The following COL24A1 variants were observed in gnomAD, a reference collection of about 807,000 sequenced individuals.
COL24A1 encodes collagen alpha-1(XXIV) chain.
A neutral mutation model predicts 253.9 loss-of-function variants in COL24A1; 224 were observed. The ratio of observed to expected loss-of-function variants is 0.88; its 90% CI spans 0.79 to 0.99. The LOEUF (loss-of-function observed/expected upper bound fraction) is 0.99, where lower values mean the gene tolerates loss of function less well. Ranked by LOEUF, COL24A1 falls within the 50% of genes least tolerant of loss-of-function variation. COL24A1 has a pLI of 0.00. For missense variants in COL24A1, 2,131 were observed against 2,068.5 expected (o/e 1.03, Z -0.59); for synonymous variants, 685 against 673.7 (o/e 1.02, Z -0.26).
chr1:85,863,159 T>C lies in COL24A1; in HGVS notation c.3300+5360A>G, dbSNP rs932272730. On this transcript the variant is annotated intron_variant, in intron 37 of 59. Transcript: ENST00000370571. ...TAAGAATGCTTGTGATTTTTGCACATTGATTTTGTATGCTGAGACTTTGCT... is the reference window on the plus strand; with the variant it reads ...TAAGAATGCTTGTGATTTTTGCACACTGATTTTGTATGCTGAGACTTTGCT... Among the ~76,000 whole-genome samples the C allele has an allele frequency of 1.6e-3, 247 of 152,352 alleles. 1 individual carries two copies. Among genetic ancestry groups the C allele is most frequent in the Non-Finnish European group, 2.5e-3 (168 of 68,026 alleles).
intron 19 of COL24A1, among the ~76,000 whole-genome samples, chr1:85,996,143 T>C (rs1400725841): frequency 2.0e-5 from 3 of 152,242 alleles, no homozygotes; most frequent in African/African-American, 7.2e-5. Context: ...AGGTAATTGG[T>C]ATTAGGTGTT....
At chr1:86,150,618 C>T (rs897681491) in intron 1 of COL24A1, among the ~76,000 whole-genome samples, 1 of 151,904 alleles carries the variant, frequency 6.6e-6, no homozygotes, top group African/African-American at 2.4e-5. Context: ...GAAGTGGGTA[C>T]AACAGAGAAA....
intron 7 of COL24A1, among the ~76,000 whole-genome samples, chr1:86,070,290 C>T (rs558359106): frequency 2.0e-5 from 3 of 151,618 alleles, no homozygotes; most frequent in Admixed American, 2.0e-4. Flanking sequence ...TCAGAGGAGA[C>T]AAAAGAAAAC....
At chr1:85,792,288 T>G (rs1394169269) in intron 47 of COL24A1, among the ~76,000 whole-genome samples, 2 of 152,022 alleles carry the variant, frequency 1.3e-5, no homozygotes, top group African/African-American at 4.8e-5. Context: ...TCAACAAATA[T>G]TTATTGAATA....
At chr1:86,038,118 T>A (rs1699173679) in intron 12 of COL24A1, among the ~76,000 whole-genome samples, 1 of 152,154 alleles carries the variant, frequency 6.6e-6, no homozygotes, top group Non-Finnish European at 1.5e-5. Context: ...TATACTTATG[T>A]AAAGACAAAT....
intron 58 of COL24A1, chr1:85,736,228 C>G: frequency 2.2e-6 from 1 of 447,826 alleles, no homozygotes; most frequent in South Asian, 1.6e-5. Context: ...GACTAGAACC[C>G]CAGTCCCTGA....
At chr1:85,882,585 C>T (rs1681988614) in intron 32 of COL24A1, among the ~76,000 whole-genome samples, 1 of 101,976 alleles carries the variant, frequency 9.8e-6, no homozygotes, top group African/African-American at 3.3e-5. Flanking sequence ...CATGTGCATT[C>T]TACTGTTGTT....
At chr1:85,839,549 C>A (rs966216664) in intron 42 of COL24A1, among the ~76,000 whole-genome samples, 1 of 151,856 alleles carries the variant, frequency 6.6e-6, no homozygotes, top group Non-Finnish European at 1.5e-5. Context: ...CAGAGAGAGA[C>A]CCTGTCTCTA....
Position 85,777,801 on chromosome 1 carries a change from C to T in COL24A1, c.4339-2092G>A, listed in dbSNP as rs1164074805. On this transcript the variant is annotated intron_variant, in intron 52 of 59. Transcript: ENST00000370571. Reference sequence around the variant, plus strand: ...AGAGTACTGTTTTCTCCTATATTCCCTTCTGAGAAGTTAAATGTAATATCT... The same window carrying T: ...AGAGTACTGTTTTCTCCTATATTCCTTTCTGAGAAGTTAAATGTAATATCT... Among the ~76,000 whole-genome samples, 6 of 152,096 alleles carry T rather than the reference C, an allele frequency of 3.9e-5. No homozygotes were observed. The East Asian group carries it at 7.7e-4, about 19-fold the overall frequency.
chr1:85,849,280 C>G, intron 38 of COL24A1, 73 bp downstream of exon 38: 1 of 1,092,634 alleles, frequency 9.2e-7, no homozygotes, highest in Non-Finnish European at 1.4e-6. Context: ...AAATTAAAAA[C>G]ATTACAGCAG....
intron 43 of COL24A1, among the ~76,000 whole-genome samples, chr1:85,833,493 T>C (rs1365707952): frequency 1.3e-5 from 2 of 152,060 alleles, no homozygotes; most frequent in African/African-American, 4.8e-5. Context: ...TGTGGAGAAA[T>C]AGGAACACTT....
At chr1:85,830,286 A>C (rs1008519922) in intron 43 of COL24A1, among the ~76,000 whole-genome samples, 4 of 152,084 alleles carry the variant, frequency 2.6e-5, no homozygotes, top group African/African-American at 4.8e-5. Flanking sequence ...CCGTTCTCAG[A>C]TCTCCAGTTG....
intron 19 of COL24A1, among the ~76,000 whole-genome samples, chr1:86,015,907 C>T (rs631054): frequency 0.33 from 46,433 of 140,114 alleles, 7,843 homozygotes; most frequent in Middle Eastern, 0.56. Flanking sequence ...TTTTTGGAGA[C>T]GGGGTCTCAT....
chr1:85,763,151 T>A (rs1667001828), intron 53 of COL24A1, among the ~76,000 whole-genome samples: 1 of 152,184 alleles, frequency 6.6e-6, no homozygotes, highest in Non-Finnish European at 1.5e-5. Flanking sequence ...GCATGGTGGC[T>A]CACACCTGTA....
intron 37 of COL24A1, 112 bp from the exon 38 acceptor site, chr1:85,849,518 TG>T (rs1464241130): frequency 4.9e-6 from 4 of 820,538 alleles, no homozygotes; most frequent in African/African-American, 1.7e-5. Context: ...GAAGTAAAAA[TG>T]AGGGTTAATT....
chr1:86,099,184 A>G (rs1478187827), intron 5 of COL24A1, among the ~76,000 whole-genome samples: 1 of 152,214 alleles, frequency 6.6e-6, no homozygotes, highest in Non-Finnish European at 1.5e-5. Context: ...AGGTCAAAAA[A>G]GAAATTATAT....
At chr1:86,052,372 A>G (rs757375819) in intron 10 of COL24A1, among the ~76,000 whole-genome samples, 2 of 152,186 alleles carry the variant, frequency 1.3e-5, no homozygotes, top group Non-Finnish European at 2.9e-5. Context: ...AAAATGTTGT[A>G]TATACATGAA....
chr1:85,806,727 A>G (rs1672013029), intron 47 of COL24A1, among the ~76,000 whole-genome samples: 1 of 152,232 alleles, frequency 6.6e-6, no homozygotes, highest in Admixed American at 6.5e-5. Context: ...TGACTCATGC[A>G]TAAATGAGAA....
chr1:86,058,230 A>G (rs1453306032), intron 9 of COL24A1, among the ~76,000 whole-genome samples: 1 of 151,930 alleles, frequency 6.6e-6, no homozygotes, highest in Non-Finnish European at 1.5e-5. Context: ...AGATTTTTAA[A>G]ATTTTTTTCA....
Sources: gnomAD v4.1 joint callset for allele counts (sites outside exome capture counted in the v4.1 genomes callset) on GRCh38, gnomAD v4.1.1 for gene constraint, MANE v1.5 for transcripts, NCBI Gene and HGNC (gene_info 2026-07-23, HGNC 2026-07-21) for gene names.